Variants in BRAP observed in about 807,000 individuals in gnomAD.
The protein encoded by BRAP is BRCA1 associated protein.
In BRAP, 42 loss-of-function variants were observed where a neutral mutation model predicts 73.4. That is an observed-to-expected ratio of 0.57 (90% CI 0.45 to 0.74). The LOEUF (loss-of-function observed/expected upper bound fraction) is 0.74, where lower values mean the gene tolerates loss of function less well. Among genes scored for constraint, BRAP ranks in the 30% least tolerant of loss-of-function variants. BRAP has a pLI of 0.00. For synonymous variants in BRAP, 255 were observed against 267.4 expected, an observed-to-expected ratio of 0.95 and a Z score of 0.45; for missense variants, 593 against 751.4, an observed-to-expected ratio of 0.79 and a Z score of 2.46.
chr12:111,673,496 C>T (rs763983488), intron 4 of BRAP, among the ~76,000 whole-genome samples: 2 of 111,712 alleles, frequency 1.8e-5, no homozygotes, highest in Non-Finnish European at 3.4e-5. Flanking sequence ...AAGAGCGAAA[C>T]TTCATCTCAA....
intron 5 of BRAP, chr12:111,669,908 T>C: frequency 1.5e-6 from 1 of 652,208 alleles, no homozygotes; most frequent in African/African-American, 1.8e-5. Context: ...CTCCCATAGC[T>C]TCTGGTTATC....
chr12:111,656,887 C>T (rs1886556421), intron 9 of BRAP, among the ~76,000 whole-genome samples: 1 of 152,030 alleles, frequency 6.6e-6, no homozygotes, highest in South Asian at 2.1e-4. Context: ...GTGCATGCCA[C>T]CACACCTGGA....
In BRAP at chr12:111,642,236, A is replaced by G. The variant is rs1885921659; in HGVS notation, c.*1963T>C. ...GTTCATTTCCCTCCTGAAGAAAACA[A>G]CTTCTGTCTGATGTGATTTTGTGAA... On this transcript the variant is annotated 3_prime_UTR_variant, in exon 12 of 12. Transcript: ENST00000419234. 6.6e-6 allele frequency: 1 copy of G among 152,058 alleles called. No individual in the cohort carries two copies. The highest frequency in any genetic ancestry group is 2.4e-5 in the African/African-American group (1 of 41,378). 9.4% of individuals were successfully genotyped at this position (152,058 alleles called of 1,614,324 possible). A position where few individuals can be genotyped will look rare whatever the true frequency, so the allele number is the denominator to read the frequency against.
chr12:111,681,378 A>G (rs1490171550), intron 3 of BRAP, among the ~76,000 whole-genome samples: 1 of 152,106 alleles, frequency 6.6e-6, no homozygotes, highest in Non-Finnish European at 1.5e-5. Flanking sequence ...TTCAAAAAAA[A>G]AAAAAGAAAA....
intron 11 of BRAP, among the ~76,000 whole-genome samples, chr12:111,647,262 C>T (rs1424712969): frequency 6.6e-6 from 1 of 152,106 alleles, no homozygotes; most frequent in Admixed American, 6.6e-5. Flanking sequence ...CACAGCAAGA[C>T]CTTATTTCAA....
chr12:111,653,721 CCT>C (rs1467714167), intron 10 of BRAP, among the ~76,000 whole-genome samples: 1 of 152,140 alleles, frequency 6.6e-6, no homozygotes, highest in Non-Finnish European at 1.5e-5. Flanking sequence ...ACTGTTTCTC[CCT>C]GAACATGTTC....
intron 11 of BRAP, among the ~76,000 whole-genome samples, chr12:111,648,588 T>C (rs1464178245): frequency 1.4e-5 from 2 of 138,396 alleles, no homozygotes; most frequent in Non-Finnish European, 3.1e-5. Flanking sequence ...CTCCAGCCTA[T>C]TGCGCCACTG....
chr12:111,651,590 T>C (rs997403743), intron 10 of BRAP, among the ~76,000 whole-genome samples: 3 of 151,330 alleles, frequency 2.0e-5, no homozygotes, highest in African/African-American at 7.3e-5. Context: ...AAATTAACTT[T>C]ATAGCCAACC....
intron 5 of BRAP, among the ~76,000 whole-genome samples, chr12:111,668,616 A>G (rs539824972): frequency 6.6e-6 from 1 of 152,206 alleles, no homozygotes; most frequent in African/African-American, 2.4e-5. Flanking sequence ...GCTATTTCAA[A>G]TATTCAACAG....
intron 11 of BRAP, among the ~76,000 whole-genome samples, chr12:111,647,890 C>CA (rs762255909): frequency 5.4e-4 from 67 of 123,724 alleles, no homozygotes; most frequent in South Asian, 1.8e-3. Flanking sequence ...AACTCCGTCT[C>CA]AAAAAAAAAA....
chr12:111,659,319 G>T lies in BRAP; in HGVS notation c.999C>A (p.Gly333=). ...QENLWICLIC[G]HIGCGRYVSR... is the part of the protein sequence containing the mutation. Reference sequence around the variant, plus strand: ...TGACATACCGTCCACATCCTATGTGGCCGCATATTAAACAAATCCAAAGAT... The same window carrying T: ...TGACATACCGTCCACATCCTATGTGTCCGCATATTAAACAAATCCAAAGAT... Residue 333 remains glycine, a synonymous_variant, in exon 8 of 12, where the codon GGC becomes GGA. Coordinates refer to ENST00000419234, the MANE Select transcript of BRAP (RefSeq NM_006768.5). 6.2e-7 allele frequency: 1 copy of T among 1,613,308 alleles called. No individual in the cohort carries two copies. The highest frequency in any genetic ancestry group is 1.1e-5 in the South Asian group (1 of 91,028).
At chr12:111,653,596 CAG>C (rs1010188176) in intron 10 of BRAP, among the ~76,000 whole-genome samples, 1 of 152,128 alleles carries the variant, frequency 6.6e-6, no homozygotes, top group African/African-American at 2.4e-5. Context: ...GGGAAAGAAA[CAG>C]TGTTTATAAC....
At chr12:111,684,648 C>G (rs1887731790) in intron 1 of BRAP, among the ~76,000 whole-genome samples, 1 of 151,926 alleles carries the variant, frequency 6.6e-6, no homozygotes, top group Non-Finnish European at 1.5e-5. Flanking sequence ...AAGGCTCCAG[C>G]AGATATGAGC....
chr12:111,651,928 G>A (rs185389402), intron 10 of BRAP, among the ~76,000 whole-genome samples: 41 of 152,070 alleles, frequency 2.7e-4, no homozygotes. Flanking sequence ...AAGCCACCAC[G>A]CCTGGCTGGA....
At position 111,642,556 on chromosome 12, in the gene BRAP, T is replaced by C. The variant is rs1885936769; in HGVS notation, c.*1643A>G. 1 of 152,152 alleles carries C rather than the reference T, an allele frequency of 6.6e-6. No homozygotes were observed. Among genetic ancestry groups the C allele is most frequent in the Non-Finnish European group, 1.5e-5 (1 of 68,022 alleles). 9.4% of individuals were successfully genotyped at this position (152,152 alleles called of 1,614,324 possible). A position where few individuals can be genotyped will look rare whatever the true frequency, so the allele number is the denominator to read the frequency against. Reference sequence around the variant, plus strand: ...AATTCTCTTCATTAGTATGCTATGATCCACCCCAGCTTCTGCAAGGTCAGA... The same window carrying C: ...AATTCTCTTCATTAGTATGCTATGACCCACCCCAGCTTCTGCAAGGTCAGA... On this transcript the variant is annotated 3_prime_UTR_variant, in exon 12 of 12. Coordinates refer to ENST00000419234, the MANE Select transcript of BRAP (RefSeq NM_006768.5).
chr12:111,668,692 T>G (rs1394080019), intron 5 of BRAP, among the ~76,000 whole-genome samples: 1 of 151,928 alleles, frequency 6.6e-6, no homozygotes, highest in African/African-American at 2.4e-5. Context: ...AGTCTCGCTC[T>G]GTCGCCCAGG....
intron 8 of BRAP, 84 bp from the exon 9 acceptor site, chr12:111,658,929 C>T: frequency 9.4e-7 from 1 of 1,066,112 alleles, no homozygotes; most frequent in Non-Finnish European, 1.4e-6. Flanking sequence ...ATTTTTTTTT[C>T]AGATCTAATT....
chr12:111,649,839 T>C, intron 11 of BRAP, 100 bp downstream of exon 11: 1 of 817,484 alleles, frequency 1.2e-6, no homozygotes, highest in Non-Finnish European at 1.9e-6. Flanking sequence ...CCTGAAAACC[T>C]GGTGATACAT....
chr12:111,669,480 C>T (rs1592987718), intron 5 of BRAP, among the ~76,000 whole-genome samples: 1 of 152,148 alleles, frequency 6.6e-6, no homozygotes, highest in Non-Finnish European at 1.5e-5. Flanking sequence ...CCTGCCTTCG[C>T]CTCCCGAAGT....
Sources: allele counts gnomAD v4.1 joint callset (sites outside exome capture counted in the v4.1 genomes callset), GRCh38; gene constraint gnomAD v4.1.1; transcripts MANE v1.5; gene names NCBI Gene and HGNC (gene_info 2026-07-23, HGNC 2026-07-21).